NRXN1: variants seen among roughly 807,000 people sequenced by gnomAD.
The protein encoded by NRXN1 is neurexin-1.
Under a neutral mutation model 150.9 loss-of-function variants are expected in NRXN1, and 39 were observed. The observed-to-expected ratio is 0.26, with a 90% CI of 0.20 to 0.34. NRXN1 has a LOEUF of 0.34. Ranked by LOEUF, NRXN1 falls within the 10% of genes least tolerant of loss-of-function variation. The pLI is 1.00. For synonymous variants in NRXN1, 924 were observed against 757.0 expected, an observed-to-expected ratio of 1.22 and a Z score of -3.62; for missense variants, 1,815 against 1,949.9, an observed-to-expected ratio of 0.93 and a Z score of 1.30.
chr2:50,387,707 C>G (rs1317406771), intron 17 of NRXN1, among the ~76,000 whole-genome samples: 1 of 152,112 alleles, frequency 6.6e-6, no homozygotes, highest in East Asian at 1.9e-4. Flanking sequence ...TGAAGCTTCT[C>G]TTCGGGGAAT....
At chr2:50,855,763 T>G (rs1346651207) in intron 5 of NRXN1, among the ~76,000 whole-genome samples, 2 of 152,056 alleles carry the variant, frequency 1.3e-5, no homozygotes, top group African/African-American at 4.8e-5. Flanking sequence ...TCATTGAATA[T>G]CTTACTATGT....
chr2:50,214,480 C>A (rs973586944), intron 18 of NRXN1, among the ~76,000 whole-genome samples: 1 of 151,784 alleles, frequency 6.6e-6, no homozygotes. Flanking sequence ...TCATTTTTGT[C>A]CAGGTAGAGA....
At chr2:50,982,916 AG>A (rs1400412857) in intron 2 of NRXN1, among the ~76,000 whole-genome samples, 26 of 152,188 alleles carry the variant, frequency 1.7e-4, no homozygotes, top group African/African-American at 6.3e-4. Flanking sequence ...AAGCTGCCTG[AG>A]AGTCATGAAC....
chr2:50,207,717 C>G (rs2152840449), intron 18 of NRXN1: 1 of 168,464 alleles, frequency 5.9e-6, no homozygotes, highest in Non-Finnish European at 1.5e-5. Context: ...ACTCAAGAAA[C>G]AAAATATGAT....
intron 18 of NRXN1, among the ~76,000 whole-genome samples, chr2:50,142,752 A>T (rs1332434347): frequency 1.3e-5 from 2 of 151,988 alleles, no homozygotes; most frequent in East Asian, 3.8e-4. Flanking sequence ...TTAAAAATTT[A>T]GAAATATTAA....
chr2:50,858,718 TA>T (rs2106015874), intron 5 of NRXN1, among the ~76,000 whole-genome samples: 1 of 152,310 alleles, frequency 6.6e-6, no homozygotes, highest in Admixed American at 6.5e-5. Flanking sequence ...CTGAAAATTT[TA>T]AGTTTTTAAA....
intron 5 of NRXN1, among the ~76,000 whole-genome samples, chr2:50,911,332 C>T (rs1230683361): frequency 2.6e-5 from 4 of 151,764 alleles, no homozygotes; most frequent in Admixed American, 6.6e-5. Context: ...TCATCACTCT[C>T]TCCCTGCTTT....
intron 18 of NRXN1, among the ~76,000 whole-genome samples, chr2:50,135,314 A>G (rs887097733): frequency 2.6e-5 from 4 of 152,244 alleles, no homozygotes; most frequent in Non-Finnish European, 4.4e-5. Context: ...GTGGAGGAGA[A>G]TAGACGAAAG....
At chr2:50,187,586 T>A (rs1053098964) in intron 18 of NRXN1, among the ~76,000 whole-genome samples, 30 of 152,162 alleles carry the variant, frequency 2.0e-4, no homozygotes, top group Admixed American at 5.9e-4. Flanking sequence ...CTTTTTTGGA[T>A]CCATATAAAA....
chr2:50,359,397 T>A (rs1297759915), intron 17 of NRXN1, among the ~76,000 whole-genome samples: 3 of 149,406 alleles, frequency 2.0e-5, no homozygotes, highest in South Asian at 2.2e-4. Context: ...GAATAACCAG[T>A]TTAGAGAAGA....
chr2:50,873,518 G>A (rs1678106122), intron 5 of NRXN1, among the ~76,000 whole-genome samples: 1 of 151,732 alleles, frequency 6.6e-6, no homozygotes. Flanking sequence ...GGTTAATTCT[G>A]GCAGTTTTGG....
At chr2:50,242,902 T>G (rs2066151768) in intron 17 of NRXN1, among the ~76,000 whole-genome samples, 1 of 151,720 alleles carries the variant, frequency 6.6e-6, no homozygotes, top group Admixed American at 6.6e-5. Context: ...GCAAGAAACA[T>G]GACATGTCAC....
intron 15 of NRXN1, among the ~76,000 whole-genome samples, chr2:50,475,481 C>T (rs898761024): frequency 1.3e-5 from 2 of 152,020 alleles, no homozygotes; most frequent in African/African-American, 2.4e-5. Context: ...CACTTCCTAC[C>T]ACAATCCCTA....
chr2:50,668,126 C>T (rs1033250455), intron 5 of NRXN1, among the ~76,000 whole-genome samples: 1 of 151,896 alleles, frequency 6.6e-6, no homozygotes, highest in African/African-American at 2.4e-5. Flanking sequence ...CGTCTCCTTT[C>T]TTTTTCAACA....
Position 50,022,710 on chromosome 2 carries a change from C to G in NRXN1, c.4128+30561G>C, listed in dbSNP as rs540638078. On this transcript the variant is annotated intron_variant, in intron 21 of 22. Coordinates refer to ENST00000401669, the MANE Select transcript of NRXN1 (RefSeq NM_001330078.2). ...CAGAATCAAGTTTGTATAAAAAAATCAAATTCTCAATTTTTACAAAAAGAG... is the reference window on the plus strand; with the variant it reads ...CAGAATCAAGTTTGTATAAAAAAATGAAATTCTCAATTTTTACAAAAAGAG... 7.9e-5 allele frequency: 12 copies of G among 152,248 alleles called. No individual in the cohort carries two copies. In the South Asian group the frequency reaches 2.3e-3, roughly 29 times the overall value. The allele number at this position is 152,248 out of a possible 1,614,324, so 9.4% of individuals were successfully genotyped here. A position where few individuals can be genotyped will look rare whatever the true frequency, so the allele number is the denominator to read the frequency against.
intron 18 of NRXN1, among the ~76,000 whole-genome samples, chr2:50,156,008 T>C (rs1051093268): frequency 5.3e-5 from 8 of 151,758 alleles, no homozygotes; most frequent in Admixed American, 5.3e-4. Flanking sequence ...TGCAAATAAA[T>C]ACATCTAGAA....
At chr2:50,337,562 G>C (rs748902356) in intron 17 of NRXN1, among the ~76,000 whole-genome samples, 5 of 152,106 alleles carry the variant, frequency 3.3e-5, no homozygotes, top group Non-Finnish European at 5.9e-5. Context: ...TCAATATTTT[G>C]TTAAGAGTTT....
At chr2:51,000,217 C>G (rs1432226947) in intron 2 of NRXN1, among the ~76,000 whole-genome samples, 2 of 152,008 alleles carry the variant, frequency 1.3e-5, no homozygotes, top group African/African-American at 2.4e-5. Flanking sequence ...ATGTCAGCTT[C>G]TCAGAAGACT....
At position 50,318,545 on chromosome 2, in the gene NRXN1, G is replaced by A. The variant is rs1381599087; in HGVS notation, c.3365-81575C>T. Reference sequence around the variant, plus strand: ...CTCAAAACCACCCAAATATCCATGAGCATAGAGTGGGTTACAATATTGTGA... The same window carrying A: ...CTCAAAACCACCCAAATATCCATGAACATAGAGTGGGTTACAATATTGTGA... On this transcript the variant is annotated intron_variant, in intron 17 of 22. Transcript: ENST00000401669. Among the ~76,000 whole-genome samples, 7 of 152,012 alleles carry A rather than the reference G, an allele frequency of 4.6e-5. No homozygotes were observed. In the East Asian group the frequency reaches 9.6e-4, roughly 21 times the overall value.
Sources: allele counts gnomAD v4.1 joint callset (sites outside exome capture counted in the v4.1 genomes callset), GRCh38; gene constraint gnomAD v4.1.1; transcripts MANE v1.5; gene names NCBI Gene and HGNC (gene_info 2026-07-23, HGNC 2026-07-21).